SRPK1: variants seen among roughly 807,000 people sequenced by gnomAD.
SRPK1 encodes the protein SFRS protein kinase 1.
In SRPK1, 52 loss-of-function variants were observed where a neutral mutation model predicts 89.5. The observed-to-expected ratio is 0.58, with a 90% CI of 0.46 to 0.73. The LOEUF (loss-of-function observed/expected upper bound fraction) is 0.73, where lower values mean the gene tolerates loss of function less well. Ranked by LOEUF, SRPK1 falls within the 30% of genes least tolerant of loss-of-function variation. The pLI is 0.00. For synonymous variants in SRPK1, 255 were observed against 270.2 expected (o/e 0.94, Z 0.55); for missense variants, 603 against 780.6 (o/e 0.77, Z 2.71).
At chr6:35,846,838 T>C (rs889742250) in intron 13 of SRPK1, among the ~76,000 whole-genome samples, 1 of 152,038 alleles carries the variant, frequency 6.6e-6, no homozygotes, top group Admixed American at 6.6e-5. Flanking sequence ...ACCAAACATA[T>C]AACGAAGAAG....
rs943381874 is a variant in SRPK1, at chr6:35,866,952, C to A, written c.1512+2058G>T. Among the ~76,000 whole-genome samples the A allele has an allele frequency of 2.0e-5, 3 of 152,086 alleles. No homozygotes were observed. The South Asian group carries it at 6.2e-4, about 32-fold the overall frequency. On this transcript the variant is annotated intron_variant, in intron 12 of 15. Coordinates refer to ENST00000373825, the MANE Select transcript of SRPK1 (RefSeq NM_003137.5). ...ACATGTTCTCACTTATAAGTGGGAG[C>A]TGCATAATGTGTACACATGGAGGTA...
chr6:35,855,578 T>A lies in SRPK1; in HGVS notation c.1620+1683A>T, dbSNP rs193288855. Among the ~76,000 whole-genome samples, 281 of 152,338 alleles carry A rather than the reference T, an allele frequency of 1.8e-3. 2 individuals are homozygous for A. The highest frequency in any genetic ancestry group is 3.1e-3 in the Non-Finnish European group (211 of 68,036). On this transcript the variant is annotated intron_variant, in intron 13 of 15. Transcript: ENST00000373825. ...TCATTAGGTAGTATACAAATATTTA[T>A]TAAACCCTGTTGAATAATGAAGAAA...
chr6:35,907,477 G>A (rs1770872693), intron 2 of SRPK1, among the ~76,000 whole-genome samples: 1 of 152,074 alleles, frequency 6.6e-6, no homozygotes, highest in Non-Finnish European at 1.5e-5. Context: ...AGGCTGAGGT[G>A]GGTGGATCAC....
At chr6:35,919,997 G>T in intron 2 of SRPK1, 2 of 447,536 alleles carry the variant, frequency 4.5e-6, no homozygotes, top group Non-Finnish European at 9.0e-6. Context: ...CTATGAAAGG[G>T]AGTGTGTGGT....
intron 2 of SRPK1, among the ~76,000 whole-genome samples, chr6:35,914,804 CTT>C (rs543896271): frequency 6.9e-6 from 1 of 144,600 alleles, no homozygotes; most frequent in Non-Finnish European, 1.5e-5. Context: ...TAGTTAAATC[CTT>C]TTTTTTTTTT....
chr6:35,893,159 A>G (rs1473485908), intron 2 of SRPK1, among the ~76,000 whole-genome samples: 2 of 152,198 alleles, frequency 1.3e-5, no homozygotes, highest in Non-Finnish European at 2.9e-5. Context: ...TGGAATTCTG[A>G]AACAGATTCT....
chr6:35,869,785 T>G lies in SRPK1; in HGVS notation c.1108A>C (p.Asn370His), dbSNP rs745817501. 16 of 1,613,864 alleles carry G rather than the reference T, an allele frequency of 9.9e-6. No homozygotes were observed. Among genetic ancestry groups the G allele is most frequent in the East Asian group, 2.2e-5 (1 of 44,886 alleles). ...IEVINYTQNS[N>H]NETLRHKEDL... ...TCTTTATGTCTCAATGTTTCATTAT[T>G]ACTGTTCTGAGTATAATTAATGACT... The change falls in exon 11 of 16, where the codon AAT becomes CAT. Residue 370 changes from asparagine to histidine, a missense_variant. Transcript: ENST00000373825.
chr6:35,863,858 A>G (rs1769839137), intron 12 of SRPK1, among the ~76,000 whole-genome samples: 2 of 152,352 alleles, frequency 1.3e-5, no homozygotes, highest in South Asian at 2.1e-4. Flanking sequence ...ACAGAATATT[A>G]TAACACCGTT....
intron 4 of SRPK1, 131 bp downstream of exon 4, chr6:35,888,684 T>C (rs989510053): frequency 1.6e-6 from 1 of 634,236 alleles, no homozygotes; most frequent in Non-Finnish European, 2.8e-6. Context: ...ACAGAGACTA[T>C]TGCCAACAAC....
Position 35,874,255 on chromosome 6 carries a change from C to A in SRPK1, c.563G>T (p.Cys188Phe), listed in dbSNP as rs765388279. ...KSNYQGLPLP[C>F]VKKIIQQVLQ... Reference sequence around the variant, plus strand: ...TACTTGCTGAATAATTTTTTTGACACAAGGCAGTGGAAGCCCCTGATAATT... The same window carrying A: ...TACTTGCTGAATAATTTTTTTGACAAAAGGCAGTGGAAGCCCCTGATAATT... Residue 188 changes from cysteine to phenylalanine, a missense_variant, in exon 7 of 16, where the codon TGT becomes TTT. Coordinates refer to ENST00000373825, the MANE Select transcript of SRPK1 (RefSeq NM_003137.5). 1 of 1,612,692 alleles carries A rather than the reference C, an allele frequency of 6.2e-7. No individual in the cohort carries two copies. Among genetic ancestry groups the A allele is most frequent in the Non-Finnish European group, 8.5e-7 (1 of 1,179,324 alleles).
intron 2 of SRPK1, among the ~76,000 whole-genome samples, chr6:35,917,089 GAC>G (rs1164762851): frequency 1.5e-5 from 2 of 136,818 alleles, no homozygotes; most frequent in Non-Finnish European, 3.2e-5. Flanking sequence ...AACAAAAACA[GAC>G]ACACACTGTT....
intron 13 of SRPK1, among the ~76,000 whole-genome samples, chr6:35,852,073 A>G (rs971158588): frequency 6.6e-6 from 1 of 152,142 alleles, no homozygotes; most frequent in Non-Finnish European, 1.5e-5. Flanking sequence ...CTTCCTCTCA[A>G]TTGTGTGCTA....
chr6:35,905,830 C>G (rs1300909290), intron 2 of SRPK1, among the ~76,000 whole-genome samples: 1 of 152,080 alleles, frequency 6.6e-6, no homozygotes. Context: ...AAACAAAAAT[C>G]CTTGGGTCCT....
intron 13 of SRPK1, among the ~76,000 whole-genome samples, chr6:35,854,170 C>T (rs1172205051): frequency 2.0e-5 from 3 of 152,066 alleles, no homozygotes; most frequent in Non-Finnish European, 4.4e-5. Flanking sequence ...AGGCTAGTCT[C>T]GAACTCCTGG....
chr6:35,889,980 C>T lies in SRPK1; in HGVS notation c.193+915G>A, dbSNP rs867152332. Among the ~76,000 whole-genome samples the T allele has an allele frequency of 1.7e-3, 242 of 140,106 alleles. 1 individual carries two copies. The highest frequency in any genetic ancestry group is 0.014 in the Middle Eastern group (3 of 210). 91.9% of individuals were successfully genotyped at this position (140,106 alleles called of 152,430 possible). A position where few individuals can be genotyped will look rare whatever the true frequency, so the allele number is the denominator to read the frequency against. ...AAAATTAGCCGGGTATGGTGGCGGG[C>T]GCCTGTAGTCCCAGCTACTCGGGAG... is the stretch of plus-strand genomic sequence containing the variant. On this transcript the variant is annotated intron_variant, in intron 3 of 15. Transcript: ENST00000373825.
chr6:35,880,885 C>T (rs1326610458), intron 6 of SRPK1, among the ~76,000 whole-genome samples: 1 of 149,148 alleles, frequency 6.7e-6, no homozygotes, highest in African/African-American at 2.5e-5. Context: ...TCAAAGACAC[C>T]CACATCAAGA....
intron 13 of SRPK1, among the ~76,000 whole-genome samples, chr6:35,851,715 C>CAGTT: frequency 6.6e-6 from 1 of 152,118 alleles, no homozygotes; most frequent in East Asian, 1.9e-4. Context: ...GTCAAGCAGA[C>CAGTT]AGTTGGACAT....
At chr6:35,900,966 C>G (rs1770728322) in intron 2 of SRPK1, among the ~76,000 whole-genome samples, 1 of 151,970 alleles carries the variant, frequency 6.6e-6, no homozygotes, top group African/African-American at 2.4e-5. Context: ...CCAGCCTGAG[C>G]AACACAGTGA....
chr6:35,878,630 A>T (rs1770209728), intron 6 of SRPK1, among the ~76,000 whole-genome samples: 1 of 152,166 alleles, frequency 6.6e-6, no homozygotes, highest in South Asian at 2.1e-4. Flanking sequence ...GGCAAAAAGG[A>T]TCCTGCCCCA....
Sources: allele counts gnomAD v4.1 joint callset (sites outside exome capture counted in the v4.1 genomes callset), GRCh38; gene constraint gnomAD v4.1.1; transcripts MANE v1.5; gene names NCBI Gene and HGNC (gene_info 2026-07-23, HGNC 2026-07-21).